The following UBOX5 variants were observed in gnomAD, a reference collection of about 807,000 sequenced individuals.
UBOX5 encodes the protein U-box domain containing 5.
Under a neutral mutation model 39.0 loss-of-function variants are expected in UBOX5, and 28 were observed. The observed-to-expected ratio is 0.72, with a 90% confidence interval of 0.53 to 0.98. The LOEUF is 0.98. Ranked by LOEUF, UBOX5 falls within the 50% of genes least tolerant of loss-of-function variation. The pLI is 0.00. For missense variants in UBOX5, 585 were observed against 674.4 expected (o/e 0.87, Z 1.47); for synonymous variants, 283 against 275.5 (o/e 1.03, Z -0.27).
chr20:3,133,725 G>A (rs1393684342), intron 1 of UBOX5, among the ~76,000 whole-genome samples: 4 of 149,576 alleles, frequency 2.7e-5, no homozygotes, highest in Non-Finnish European at 5.9e-5. Context: ...TTTTTGCCAA[G>A]GGGTAAGCTC....
chr20:3,118,040 G>A (rs1390979362), intron 3 of UBOX5, among the ~76,000 whole-genome samples: 1 of 151,862 alleles, frequency 6.6e-6, no homozygotes, highest in Non-Finnish European at 1.5e-5. Flanking sequence ...GGTGCTGTGC[G>A]CCTGTAGTCT....
At chr20:3,130,582 T>C (rs1459667208) in intron 1 of UBOX5, among the ~76,000 whole-genome samples, 1 of 152,100 alleles carries the variant, frequency 6.6e-6, no homozygotes, top group Non-Finnish European at 1.5e-5. Context: ...TTTCCTTTAG[T>C]ACAATTTTCA....
chr20:3,133,541 T>A (rs575893094), intron 1 of UBOX5, among the ~76,000 whole-genome samples: 3 of 151,988 alleles, frequency 2.0e-5, no homozygotes, highest in African/African-American at 7.2e-5. Context: ...CATTGTAAGA[T>A]GGCAATACAG....
At chr20:3,125,631 TGCCTCTGCCCGGCC>T (rs2066380080) in intron 1 of UBOX5, among the ~76,000 whole-genome samples, 1 of 65,210 alleles carries the variant, frequency 1.5e-5, no homozygotes, top group Non-Finnish European at 2.8e-5. Context: ...AGGTGAGGAG[TGCCTCTGCCCGGCC>T]ACCCCGTCTG....
At chr20:3,119,679 A>C (rs2422849) in intron 3 of UBOX5, among the ~76,000 whole-genome samples, 115,774 of 152,040 alleles carry the variant, frequency 0.76, 45,372 homozygotes, top group East Asian at 0.99. Context: ...CATGGTGAAA[A>C]CCTGTCTTTA....
At chr20:3,121,183 A>G (rs949036248) in intron 3 of UBOX5, among the ~76,000 whole-genome samples, 13 of 152,186 alleles carry the variant, frequency 8.5e-5, no homozygotes, top group African/African-American at 2.7e-4. Context: ...ACGAGAACAC[A>G]TGGAACCCCT....
In UBOX5 at chr20:3,122,373, G is replaced by T. The variant is rs1385399786; in HGVS notation, c.266C>A (p.Ser89Tyr). ...GGGCGTATTCCAAGACACTCTGCTA[G>T]ATGAGGCAGATGTGTACATTTCCAG... is the stretch of plus-strand genomic sequence containing the variant. ...TGLEMYTSAS[S>Y]SRVSWNTPQC... The change falls in exon 3 of 5, where the codon TCT becomes TAT. Residue 89 changes from serine (S) to tyrosine (Y), a missense_variant. Ser to Tyr is a moderately radical substitution (Grantham distance 144). Transcript: ENST00000217173. 3.1e-6 allele frequency: 5 copies of T among 1,614,092 alleles called. No homozygotes were observed. The highest frequency in any genetic ancestry group is 2.5e-6 in the Non-Finnish European group (3 of 1,180,036).
chr20:3,118,750 C>T (rs1026216393), intron 3 of UBOX5, among the ~76,000 whole-genome samples: 4 of 151,494 alleles, frequency 2.6e-5, no homozygotes, highest in East Asian at 1.9e-4. Context: ...CCAGCCTGGG[C>T]GACAGAGCGA....
At chr20:3,119,485 T>C (rs1244635335) in intron 3 of UBOX5, among the ~76,000 whole-genome samples, 1 of 152,228 alleles carries the variant, frequency 6.6e-6, no homozygotes, top group Non-Finnish European at 1.5e-5. Context: ...GAATGTTTGT[T>C]GCTGTAAGCC....
At chr20:3,124,338 G>A (rs185782704) in intron 1 of UBOX5, among the ~76,000 whole-genome samples, 5 of 152,084 alleles carry the variant, frequency 3.3e-5, no homozygotes, top group African/African-American at 4.8e-5. Flanking sequence ...CTCCTGCCTC[G>A]GCCTGCCGAG....
intron 1 of UBOX5, among the ~76,000 whole-genome samples, chr20:3,156,952 A>G (rs369270663): frequency 9.9e-5 from 15 of 152,086 alleles, no homozygotes; most frequent in African/African-American, 3.6e-4. Flanking sequence ...TTGTTGAGCA[A>G]CCTTAAGAAT....
In UBOX5 at chr20:3,115,479, G is replaced by C. The variant is rs759263977; in HGVS notation, c.1256-13C>G. 18 of 1,607,388 alleles carry C rather than the reference G, an allele frequency of 1.1e-5. No homozygotes were observed. In the Admixed American group the frequency reaches 1.7e-4, roughly 15 times the overall value. ...TGGGACAGTGGACCTGTCGAGAGAT[G>C]CGCACAGCACAACATCCAGAGACAG... On this transcript the variant is annotated splice_polypyrimidine_tract_variant and intron_variant, in intron 3 of 4. Transcript: ENST00000217173.
intron 1 of UBOX5, among the ~76,000 whole-genome samples, chr20:3,124,872 C>T (rs1162738761): frequency 1.3e-5 from 2 of 150,200 alleles, no homozygotes; most frequent in Non-Finnish European, 3.0e-5. Context: ...TGAGGAGCGC[C>T]TCTGCCCAGC....
chr20:3,142,889 T>C (rs2066529816), intron 1 of UBOX5, among the ~76,000 whole-genome samples: 4 of 151,514 alleles, frequency 2.6e-5, no homozygotes, highest in Admixed American at 2.6e-4. Context: ...ATTGTTTGTA[T>C]TCGATATCTT....
At chr20:3,119,328 G>A (rs1032291005) in intron 3 of UBOX5, among the ~76,000 whole-genome samples, 1 of 152,238 alleles carries the variant, frequency 6.6e-6, no homozygotes, top group Non-Finnish European at 1.5e-5. Context: ...TGATGTGGGT[G>A]AGACTAGAAG....
chr20:3,116,906 G>C (rs1018786300), intron 3 of UBOX5, among the ~76,000 whole-genome samples: 3 of 152,066 alleles, frequency 2.0e-5, no homozygotes, highest in Non-Finnish European at 4.4e-5. Context: ...GACCAGCCTG[G>C]TCAACATGGC....
intron 1 of UBOX5, among the ~76,000 whole-genome samples, chr20:3,141,897 C>T (rs959374684): frequency 2.6e-5 from 4 of 151,822 alleles, no homozygotes; most frequent in African/African-American, 4.8e-5. Context: ...CAGGTGGTCC[C>T]AGCTACTTGG....
At chr20:3,134,865 C>CAA (rs879761300) in intron 1 of UBOX5, among the ~76,000 whole-genome samples, 2 of 125,842 alleles carry the variant, frequency 1.6e-5, no homozygotes. Flanking sequence ...AACTCCGTCT[C>CAA]AAAAAAAAAA....
chr20:3,133,624 A>G (rs2066446255), intron 1 of UBOX5, among the ~76,000 whole-genome samples: 1 of 152,216 alleles, frequency 6.6e-6, no homozygotes, highest in South Asian at 2.1e-4. Flanking sequence ...GCAAATGTTA[A>G]CATTTTGCTA....
Sources: allele counts gnomAD v4.1 joint callset (sites outside exome capture counted in the v4.1 genomes callset), GRCh38; gene constraint gnomAD v4.1.1; transcripts MANE v1.5; gene names NCBI Gene and HGNC (gene_info 2026-07-23, HGNC 2026-07-21).